Variants in ELMOD3 observed in about 807,000 individuals in gnomAD.
The protein encoded by ELMOD3 is ELMO domain-containing protein 3.
A neutral mutation model predicts 47.4 loss-of-function variants in ELMOD3; 36 were observed. That is an observed-to-expected ratio of 0.76 (90% CI 0.58 to 1.00). ELMOD3 has a LOEUF of 1.00. Among genes scored for constraint, ELMOD3 ranks in the 50% least tolerant of loss-of-function variants. The probability of loss-of-function intolerance (pLI) is 0.00; values close to 1 mark genes in which losing one functional copy is unlikely to be tolerated. For synonymous variants in ELMOD3, 149 were observed against 183.5 expected (o/e 0.81, Z 1.52); for missense variants, 404 against 463.8 (o/e 0.87, Z 1.18).
At chr2:85,359,477 G>C (rs1346507581) in intron 4 of ELMOD3, among the ~76,000 whole-genome samples, 1 of 143,486 alleles carries the variant, frequency 7.0e-6, no homozygotes, top group Non-Finnish European at 1.5e-5. Context: ...ACGCGATCTC[G>C]GCTCACTGCA....
chr2:85,385,614 G>C (rs1331462708), intron 11 of ELMOD3, among the ~76,000 whole-genome samples: 1 of 152,148 alleles, frequency 6.6e-6, no homozygotes, highest in Non-Finnish European at 1.5e-5. Flanking sequence ...ACAGGTTTGG[G>C]CCCAGAGGCC....
At chr2:85,390,551 T>C in intron 13 of ELMOD3, 1 of 1,568,628 alleles carries the variant, frequency 6.4e-7, no homozygotes, top group Admixed American at 1.8e-5. Context: ...GTTGCAATTG[T>C]GCAGACAAGG....
intron 9 of ELMOD3, 63 bp downstream of exon 9, chr2:85,371,272 C>T (rs1196677356): frequency 1.2e-6 from 2 of 1,613,064 alleles, no homozygotes; most frequent in East Asian, 2.2e-5. Context: ...ACCGTGTGTG[C>T]TGACCCTGTG....
intron 11 of ELMOD3, among the ~76,000 whole-genome samples, chr2:85,381,846 G>A (rs181079054): frequency 2.6e-5 from 4 of 152,126 alleles, no homozygotes; most frequent in African/African-American, 4.8e-5. Flanking sequence ...GGCTGGGCGC[G>A]GTGGCTCACA....
chr2:85,379,249 G>A (rs946035247), intron 11 of ELMOD3, among the ~76,000 whole-genome samples: 3 of 152,176 alleles, frequency 2.0e-5, no homozygotes, highest in African/African-American at 7.2e-5. Flanking sequence ...GTGTCCTGTT[G>A]CCCAGGCTGG....
chr2:85,355,357 ATGC>A (rs1683475387), intron 2 of ELMOD3, 187 bp downstream of exon 2: 1 of 152,156 alleles, frequency 6.6e-6, no homozygotes, highest in South Asian at 2.1e-4. Flanking sequence ...TTAAATTCCT[ATGC>A]AGAGAATCTA....
chr2:85,372,481 T>G (rs966047140), intron 10 of ELMOD3: 3 of 152,230 alleles, frequency 2.0e-5, no homozygotes, highest in African/African-American at 7.2e-5. Flanking sequence ...CTGGCATTTT[T>G]GGGTTTTTTC....
intron 7 of ELMOD3, among the ~76,000 whole-genome samples, chr2:85,369,486 C>T (rs762850677): frequency 2.0e-5 from 3 of 152,190 alleles, no homozygotes; most frequent in Admixed American, 1.3e-4. Context: ...TTAGGGATCA[C>T]CTCGTGGGGC....
At chr2:85,357,870 G>C (rs748969647) in intron 4 of ELMOD3, among the ~76,000 whole-genome samples, 1 of 152,232 alleles carries the variant, frequency 6.6e-6, no homozygotes, top group Non-Finnish European at 1.5e-5. Flanking sequence ...ACAGATGCCT[G>C]CAGGAAGTTG....
intron 11 of ELMOD3, among the ~76,000 whole-genome samples, chr2:85,382,730 G>T (rs1049549735): frequency 6.6e-6 from 1 of 151,976 alleles, no homozygotes; most frequent in African/African-American, 2.4e-5. Flanking sequence ...TGAACAGGCT[G>T]GTCTCGAACT....
At position 85,371,485 on chromosome 2, in the gene ELMOD3, C is replaced by A. The variant is rs755239764; in HGVS notation, c.530C>A (p.Thr177Asn). The change falls in exon 10 of 14, where the codon ACC (threonine) becomes AAC (asparagine). Residue 177 changes from threonine to asparagine, a missense_variant. By Grantham distance (65) the Thr-to-Asn change is moderately conservative (BLOSUM62 0). Coordinates refer to ENST00000409013, the MANE Select transcript of ELMOD3 (RefSeq NM_001135022.2). The stretch of plus-strand genomic sequence containing the variant: ...CCAGTGCATGGCCGAGTCCTCCAGA[C>A]CATCTATAAGAAGCTGACCGGCTCC... ...QDPVHGRVLQTIYKKLTGSKF... is the reference protein window; with the variant it reads ...QDPVHGRVLQNIYKKLTGSKF... 2 of 1,614,218 alleles carry A rather than the reference C, an allele frequency of 1.2e-6. No individual in the cohort carries two copies. The highest frequency in any genetic ancestry group is 1.1e-5 in the South Asian group (1 of 91,090).
At chr2:85,371,658 A>T in intron 10 of ELMOD3, 96 bp downstream of exon 10, 1 of 1,542,920 alleles carries the variant, frequency 6.5e-7, no homozygotes, top group Non-Finnish European at 8.8e-7. Flanking sequence ...TATGAGGGGG[A>T]AGATCTTGGG....
Position 85,391,014 on chromosome 2 carries a change from G to A in ELMOD3, c.*52G>A, listed in dbSNP as rs1686316785. 4 of 1,506,702 alleles carry A rather than the reference G, an allele frequency of 2.7e-6. No homozygotes were observed. The highest frequency in any genetic ancestry group is 4.1e-5 in the Admixed American group (2 of 48,510). 93.3% of individuals were successfully genotyped at this position (1,506,702 alleles called of 1,614,324 possible). On this transcript the variant is annotated 3_prime_UTR_variant, in exon 14 of 14. Transcript: ENST00000409013. ...GCTGAGCTGCAGGGGCTTTCAGGGG[G>A]TCAGTGGAGCCATGTCAGGAGCCTG...
chr2:85,365,011 T>C (rs1684275289), intron 6 of ELMOD3, among the ~76,000 whole-genome samples: 1 of 149,892 alleles, frequency 6.7e-6, no homozygotes, highest in African/African-American at 2.4e-5. Flanking sequence ...GGTCTCATTA[T>C]GTTGCCCAGG....
chr2:85,368,508 G>A, intron 6 of ELMOD3, 178 bp from the exon 7 acceptor site: 1 of 603,532 alleles, frequency 1.7e-6, no homozygotes, highest in Non-Finnish European at 2.9e-6. Context: ...ATCCTGTGCT[G>A]ATCAATAGTG....
At chr2:85,387,184 TG>T in intron 11 of ELMOD3, 1 of 1,255,656 alleles carries the variant, frequency 8.0e-7, no homozygotes, top group Non-Finnish European at 1.0e-6. Context: ...GAGGTATACA[TG>T]AAGGTCAGCA....
At chr2:85,371,236 A>T (rs1312223301) in intron 9 of ELMOD3, 27 bp downstream of exon 9, 1 of 1,614,230 alleles carries the variant, frequency 6.2e-7, no homozygotes, top group East Asian at 2.2e-5. Flanking sequence ...CCCACAGGGC[A>T]GTTGCTGCAT....
intron 11 of ELMOD3, among the ~76,000 whole-genome samples, chr2:85,380,394 G>A (rs2104673607): frequency 6.6e-6 from 1 of 152,280 alleles, no homozygotes; most frequent in East Asian, 1.9e-4. Context: ...TTCCTGTTCT[G>A]CTTTGATATT....
At chr2:85,356,943 A>G (rs1205774955) in intron 3 of ELMOD3, 24 bp from the exon 4 acceptor site, 3 of 314,920 alleles carry the variant, frequency 9.5e-6, no homozygotes, top group Non-Finnish European at 1.7e-5. Flanking sequence ...TTCTTTTTCA[A>G]TTTCTTTTTT....
Sources: gnomAD v4.1 joint callset for allele counts (sites outside exome capture counted in the v4.1 genomes callset) on GRCh38, gnomAD v4.1.1 for gene constraint, MANE v1.5 for transcripts, NCBI Gene and HGNC (gene_info 2026-07-23, HGNC 2026-07-21) for gene names.